Variants in MYO1G observed in about 807,000 individuals in gnomAD.
The protein encoded by MYO1G is myosin IG.
Under a neutral mutation model 115.3 loss-of-function variants are expected in MYO1G, and 65 were observed. The observed-to-expected ratio is 0.56, with a 90% CI of 0.46 to 0.69. The LOEUF is 0.69. MYO1G is among the 30% of genes least tolerant of loss of function. The pLI is 0.00. For synonymous variants in MYO1G, 510 were observed against 552.6 expected, an observed-to-expected ratio of 0.92 and a Z score of 1.08; for missense variants, 1,204 against 1,393.5, an observed-to-expected ratio of 0.86 and a Z score of 2.16.
chr7:44,963,428 T>C lies in MYO1G; in HGVS notation c.2746-304A>G. The C allele has an allele frequency of 2.6e-6, 1 of 389,524 alleles. No homozygotes were observed. Among genetic ancestry groups the C allele is most frequent in the East Asian group, 4.3e-5 (1 of 23,156 alleles). The allele number at this position is 389,524 out of a possible 1,614,324, so 24.1% of individuals were successfully genotyped here. A position where few individuals can be genotyped will look rare whatever the true frequency, so the allele number is the denominator to read the frequency against. On this transcript the variant is annotated intron_variant, in intron 20 of 21. Coordinates refer to ENST00000258787, the MANE Select transcript of MYO1G (RefSeq NM_033054.3). The surrounding 1 kb of genome is among the most constrained non-coding windows in gnomAD (Gnocchi z 4.1). ...CTAAGCCCTTGCATGTGCTACTGCC[T>C]GGAGGAGCCGTTTTTAGTTCTAGGT... is the stretch of plus-strand genomic sequence containing the variant.
chr7:44,966,913 C>T lies in MYO1G; in HGVS notation c.1783-75G>A, dbSNP rs2128701433. On this transcript the variant is annotated intron_variant, in intron 14 of 21. Transcript: ENST00000258787. This position sits in a 1 kb window ranked among gnomAD's most constrained non-coding sequence, Gnocchi z 5.0. ...CACCCTGCCCCACACCAGGGGCTTCCTAACCCCTCAAGGTCCCAGGCCAGG... is the reference window on the plus strand; with the variant it reads ...CACCCTGCCCCACACCAGGGGCTTCTTAACCCCTCAAGGTCCCAGGCCAGG... The T allele has an allele frequency of 1.4e-6, 2 of 1,433,672 alleles. No homozygotes were observed. The highest frequency in any genetic ancestry group is 1.3e-5 in the South Asian group (1 of 74,314). The allele number at this position is 1,433,672 out of a possible 1,614,324, so 88.8% of individuals were successfully genotyped here.
intron 12 of MYO1G, 88 bp from the exon 13 acceptor site, chr7:44,968,046 C>T: frequency 9.1e-7 from 1 of 1,093,328 alleles, no homozygotes; most frequent in Non-Finnish European, 1.4e-6. Flanking sequence ...ACTCTCTTCC[C>T]ATCTGCCTCT....
At chr7:44,971,478 T>C (rs1394990028) in intron 7 of MYO1G, among the ~76,000 whole-genome samples, 195 bp downstream of exon 7, 1 of 152,222 alleles carries the variant, frequency 6.6e-6, no homozygotes, top group African/African-American at 2.4e-5. Flanking sequence ...CTGGCTGACC[T>C]GGCCCTAAGA....
rs1373690166 is a variant in MYO1G, at chr7:44,966,945, G to A, written c.1783-107C>T. On this transcript the variant is annotated intron_variant, in intron 14 of 21. Transcript: ENST00000258787. This position sits in a 1 kb window ranked among gnomAD's most constrained non-coding sequence, Gnocchi z 5.0. ...CTCAAGGTCCCAGGCCAGGAGAAGAGTTGGGAACAAAGAAGGGAAATCAGC... is the reference window on the plus strand; with the variant it reads ...CTCAAGGTCCCAGGCCAGGAGAAGAATTGGGAACAAAGAAGGGAAATCAGC... 47 of 1,245,146 alleles carry A rather than the reference G, an allele frequency of 3.8e-5. 1 individual carries two copies. The highest frequency in any genetic ancestry group is 4.2e-5 in the Non-Finnish European group (38 of 899,582). The allele number at this position is 1,245,146 out of a possible 1,614,324, so 77.1% of individuals were successfully genotyped here. A position where few individuals can be genotyped will look rare whatever the true frequency, so the allele number is the denominator to read the frequency against.
intron 1 of MYO1G, among the ~76,000 whole-genome samples, chr7:44,977,313 TCC>T (rs1307629246): frequency 6.6e-6 from 1 of 152,190 alleles, no homozygotes; most frequent in African/African-American, 2.4e-5. Flanking sequence ...CACAGTGGTC[TCC>T]CCAGGGATCC....
At chr7:44,971,989 A>G (rs1213600677) in intron 6 of MYO1G, 126 bp downstream of exon 6, 4 of 827,520 alleles carry the variant, frequency 4.8e-6, no homozygotes, top group Admixed American at 2.0e-5. Flanking sequence ...CACCCCGAGC[A>G]CCCTCCCCAC....
Position 44,970,725 on chromosome 7 carries a change from G to A in MYO1G, c.1084C>T (p.Arg362Trp), listed in dbSNP as rs964019592. The A allele has an allele frequency of 1.9e-6, 3 of 1,613,854 alleles. No individual in the cohort carries two copies. The highest frequency in any genetic ancestry group is 1.7e-5 in the Admixed American group (1 of 60,004). The change falls in exon 9 of 22, where the codon CGG (arginine) becomes TGG (tryptophan). Residue 362 changes from arginine to tryptophan, a missense_variant. Transcript: ENST00000258787. ...RDACAKAVYQ[R>W]LFEWVVNRIN... is the part of the protein sequence containing the mutation. ...CTGTTCACCACCCACTCAAACAGCCGCTGGTACACTGCCTGGGGGATAGGA... is the reference window on the plus strand; with the variant it reads ...CTGTTCACCACCCACTCAAACAGCCACTGGTACACTGCCTGGGGGATAGGA...
In MYO1G at chr7:44,964,439, C is replaced by T. The variant is rs1344767695; in HGVS notation, c.2607G>A (p.Val869=). The T allele has an allele frequency of 6.2e-7, 1 of 1,613,726 alleles. No homozygotes were observed. Among genetic ancestry groups the T allele is most frequent in the East Asian group, 2.2e-5 (1 of 44,886 alleles). ...TLQDKDGFGA[V]LFSSHVRKVN... is the part of the protein sequence containing the mutation. ...CCTTGCGGACATGGCTTGAAAAGAG[C>T]ACAGCCCCGAAGCCATCTTTGTCCT... Residue 869 remains valine (V), a synonymous_variant, in exon 19 of 22, where the codon GTG becomes GTA. Coordinates refer to ENST00000258787, the MANE Select transcript of MYO1G (RefSeq NM_033054.3). The surrounding 1 kb of genome is among the most constrained non-coding windows in gnomAD (Gnocchi z 5.1).
At chr7:44,971,643 A>G (rs1297044994) in intron 7 of MYO1G, 30 bp downstream of exon 7, 5 of 1,499,608 alleles carry the variant, frequency 3.3e-6, no homozygotes, top group Non-Finnish European at 4.5e-6. Context: ...GTGGGGAAGT[A>G]GCCCTCCCAG....
chr7:44,963,280 C>T lies in MYO1G; in HGVS notation c.2746-156G>A. Reference sequence around the variant, plus strand: ...ACCAGCCCCCCACCGCCCCCTCCTCCCTCTCGGGGCCCTGCTGACAGGGGG... The same window carrying T: ...ACCAGCCCCCCACCGCCCCCTCCTCTCTCTCGGGGCCCTGCTGACAGGGGG... On this transcript the variant is annotated intron_variant, in intron 20 of 21. Transcript: ENST00000258787. The surrounding 1 kb of genome is among the most constrained non-coding windows in gnomAD (Gnocchi z 4.1). 1.3e-6 allele frequency: 1 copy of T among 788,230 alleles called. No homozygotes were observed. Among genetic ancestry groups the T allele is most frequent in the Non-Finnish European group, 1.9e-6 (1 of 533,892 alleles). 48.8% of individuals were successfully genotyped at this position (788,230 alleles called of 1,614,324 possible).
Position 44,965,762 on chromosome 7 carries a change from C to T in MYO1G, c.2256G>A (p.Leu752=), listed in dbSNP as rs757204674. Residue 752 remains leucine, a synonymous_variant, in exon 17 of 22, where the codon CTG becomes CTA. Transcript: ENST00000258787. ...CCTGGAATCGCCGCTGCAGCTCAGC[C>T]AGGTGAGCCCGCACCTTGTGTCTCC... The part of the protein sequence containing the change: ...WFRRHKVRAH[L]AELQRRFQAA... The T allele has an allele frequency of 2.5e-6, 4 of 1,608,764 alleles. No homozygotes were observed. In the African/African-American group the frequency reaches 5.3e-5, roughly 21 times the overall value.
chr7:44,966,426 A>G lies in MYO1G; in HGVS notation c.1950-146T>C. The G allele has an allele frequency of 1.2e-6, 1 of 843,780 alleles. No individual in the cohort carries two copies. 52.3% of individuals were successfully genotyped at this position (843,780 alleles called of 1,614,324 possible). A position where few individuals can be genotyped will look rare whatever the true frequency, so the allele number is the denominator to read the frequency against. On this transcript the variant is annotated intron_variant, in intron 15 of 21. Coordinates refer to ENST00000258787, the MANE Select transcript of MYO1G (RefSeq NM_033054.3). The surrounding 1 kb of genome is among the most constrained non-coding windows in gnomAD (Gnocchi z 5.0). Reference sequence around the variant, plus strand: ...GACACCTGTGCACATATGTCTTCCCATACACATGTCCTCACATACATGTCC... The same window carrying G: ...GACACCTGTGCACATATGTCTTCCCGTACACATGTCCTCACATACATGTCC...
At position 44,976,669 on chromosome 7, in the gene MYO1G, A is replaced by G; in HGVS notation, c.305-12T>C. On this transcript the variant is annotated splice_polypyrimidine_tract_variant and intron_variant, in intron 2 of 21. Coordinates refer to ENST00000258787, the MANE Select transcript of MYO1G (RefSeq NM_033054.3). Reference sequence around the variant, plus strand: ...TGCCCCACTCTCCCCTGCCGGAAAGACCAGAGTTGAGAGAATCAGCCAGGT... The same window carrying G: ...TGCCCCACTCTCCCCTGCCGGAAAGGCCAGAGTTGAGAGAATCAGCCAGGT... The G allele has an allele frequency of 6.2e-7, 1 of 1,613,890 alleles. No individual in the cohort carries two copies.
rs767481349 is a variant in MYO1G, at chr7:44,964,129, G to A, written c.2665C>T (p.Leu889Phe). 3.1e-6 allele frequency: 5 copies of A among 1,604,622 alleles called. No homozygotes were observed. The highest frequency in any genetic ancestry group is 4.3e-6 in the Non-Finnish European group (5 of 1,175,692). ...NRFHKIRNRA[L>F]LLTDQHLYKL... ...TAGAGGTGCTGGTCTGTGAGCAGGA[G>A]GGCCCGGTTCCGGATCTTGTGGAAG... Residue 889 changes from leucine (L) to phenylalanine (F), a missense_variant, in exon 20 of 22, where the codon CTC (leucine) becomes TTC (phenylalanine). Transcript: ENST00000258787. This position sits in a 1 kb window ranked among gnomAD's most constrained non-coding sequence, Gnocchi z 5.1.
In MYO1G at chr7:44,972,216, C is replaced by G; in HGVS notation, c.628G>C (p.Gly210Arg). The G allele has an allele frequency of 1.2e-6, 2 of 1,613,392 alleles. No homozygotes were observed. The highest frequency in any genetic ancestry group is 1.7e-6 in the Non-Finnish European group (2 of 1,179,410). The part of the protein sequence containing the change: ...NFHAFYQLLR[G>R]SEDKQLHELH... Reference sequence around the variant, plus strand: ...TCATGCAGCTGCTTGTCCTCACTGCCTCTCAGCAACTAGAGGACACAGGCA... The same window carrying G: ...TCATGCAGCTGCTTGTCCTCACTGCGTCTCAGCAACTAGAGGACACAGGCA... Residue 210 changes from glycine to arginine, a missense_variant, in exon 6 of 22, where the codon GGC (glycine) becomes CGC (arginine). Gly to Arg is a moderately radical substitution (Grantham distance 125). Transcript: ENST00000258787.
At position 44,970,655 on chromosome 7, in the gene MYO1G, T is replaced by A; in HGVS notation, c.1154A>T (p.Asp385Val). ...CACGCCAATGACTGTGTCCTTGCCA[T>A]CACGCCGAGGATCCCGGCCCCGGGG... ...MEPRGRDPRR[D>V]GKDTVIGVLD... Residue 385 changes from aspartate (D) to valine (V), a missense_variant, in exon 9 of 22, where the codon GAT becomes GTT. Transcript: ENST00000258787. 6.2e-7 allele frequency: 1 copy of A among 1,613,888 alleles called. No individual in the cohort carries two copies. Among genetic ancestry groups the A allele is most frequent in the Non-Finnish European group, 8.5e-7 (1 of 1,180,034 alleles).
chr7:44,970,934 G>A lies in MYO1G; in HGVS notation c.972C>T (p.Arg324=). The A allele has an allele frequency of 6.2e-7, 1 of 1,613,582 alleles. No homozygotes were observed. Among genetic ancestry groups the A allele is most frequent in the Non-Finnish European group, 8.5e-7 (1 of 1,180,016 alleles). ...LTATPRDLVL[R]SLLARTVASG... ...AGGCAACTGTGCGAGCCAGCAGGGA[G>A]CGGAGCACGAGGTCCCGGGGTGTGG... is the stretch of plus-strand genomic sequence containing the variant. The change falls in exon 8 of 22, where the codon CGC becomes CGT. Residue 324 remains arginine, a synonymous_variant. Transcript: ENST00000258787.
chr7:44,964,310 AT>A lies in MYO1G; in HGVS notation c.2631+104del. On this transcript the variant is annotated intron_variant, in intron 19 of 21. Transcript: ENST00000258787. The surrounding 1 kb of genome is among the most constrained non-coding windows in gnomAD (Gnocchi z 5.1). Reference sequence around the variant, plus strand: ...CTGGGCCTGGGCTGGGGTTGCCTCCATTTTCTCCCAAGTGCCCCCCCAAAAC... The same window carrying A: ...CTGGGCCTGGGCTGGGGTTGCCTCCATTTCTCCCAAGTGCCCCCCCAAAAC... 1 of 1,357,352 alleles carries A rather than the reference AT, an allele frequency of 7.4e-7. No homozygotes were observed. The highest frequency in any genetic ancestry group is 1.0e-6 in the Non-Finnish European group (1 of 954,066). The allele number at this position is 1,357,352 out of a possible 1,614,324, so 84.1% of individuals were successfully genotyped here. A position where few individuals can be genotyped will look rare whatever the true frequency, so the allele number is the denominator to read the frequency against.
Position 44,963,032 on chromosome 7 carries a change from G to A in MYO1G, c.2838C>T (p.Ser946=), listed in dbSNP as rs769942169. The change falls in exon 21 of 22, where the codon TCC becomes TCT. Residue 946 remains serine, a synonymous_variant. Transcript: ENST00000258787. The surrounding 1 kb of genome is among the most constrained non-coding windows in gnomAD (Gnocchi z 4.1). ...QDDLVVCLHR[S]RPPLDNRVGE... ...CAACGCGGTTGTCCAATGGCGGCCG[G>A]GAGCGGTGCAGGCACACCACGAGGT... 3.9e-5 allele frequency: 59 copies of A among 1,531,622 alleles called. No individual in the cohort carries two copies. The highest frequency in any genetic ancestry group is 5.0e-5 in the Non-Finnish European group (57 of 1,144,024). 94.9% of individuals were successfully genotyped at this position (1,531,622 alleles called of 1,614,324 possible). A position where few individuals can be genotyped will look rare whatever the true frequency, so the allele number is the denominator to read the frequency against.
Sources: gnomAD v4.1 joint callset for allele counts (sites outside exome capture counted in the v4.1 genomes callset) on GRCh38, gnomAD v4.1.1 for gene constraint, Gnocchi (gnomAD v3.1) non-coding constraint, MANE v1.5 for transcripts, NCBI Gene and HGNC (gene_info 2026-07-23, HGNC 2026-07-21) for gene names.